Variants in NNT observed in about 807,000 individuals in gnomAD.
The protein encoded by NNT is NAD(P) transhydrogenase, mitochondrial.
NNT carries 50 observed loss-of-function variants against 104.8 expected under a neutral mutation model. The ratio of observed to expected loss-of-function variants is 0.48; its 90% CI spans 0.38 to 0.60. NNT has a LOEUF of 0.60. NNT is among the 20% of genes least tolerant of loss of function. NNT has a pLI of 0.00. For missense variants in NNT, 1,131 were observed against 1,330.7 expected (o/e 0.85, Z 2.33); for synonymous variants, 461 against 490.4 (o/e 0.94, Z 0.79).
chr5:43,624,011 A>G (rs1750232423), intron 5 of NNT, 21 bp from the exon 6 acceptor site: 2 of 1,612,154 alleles, frequency 1.2e-6, no homozygotes, highest in East Asian at 2.2e-5. Context: ...GCCTTAACAC[A>G]TAACTGGGTC....
rs563578880 is a variant in NNT at position 43,691,683 on chromosome 5, G to T, written c.2877-8436G>T. 1.5e-4 allele frequency among the ~76,000 whole-genome samples: 23 copies of T among 152,286 alleles called. No homozygotes were observed. In the South Asian group the frequency reaches 4.6e-3, roughly 30 times the overall value. On this transcript the variant is annotated intron_variant, in intron 19 of 21. Coordinates refer to ENST00000344920, the MANE Select transcript of NNT (RefSeq NM_182977.3). Reference sequence around the variant, plus strand: ...ATTAATAATGCAATGTGATACTTTAGATATATTACTAAGCATCTCTGTTAA... The same window carrying T: ...ATTAATAATGCAATGTGATACTTTATATATATTACTAAGCATCTCTGTTAA...
intron 15 of NNT, 82 bp downstream of exon 15, chr5:43,656,155 T>G: frequency 1.6e-6 from 2 of 1,219,238 alleles, no homozygotes; most frequent in Non-Finnish European, 2.4e-6. Context: ...GAAAATACAT[T>G]AACAGGGCTG....
chr5:43,662,093 G>A (rs558806690), intron 17 of NNT, among the ~76,000 whole-genome samples: 6 of 152,310 alleles, frequency 3.9e-5, no homozygotes, highest in Admixed American at 3.9e-4. Flanking sequence ...TCTAGTTCTT[G>A]AAATGTCAGC....
At chr5:43,606,908 T>A (rs1749252199) in intron 1 of NNT, among the ~76,000 whole-genome samples, 2 of 152,234 alleles carry the variant, frequency 1.3e-5, no homozygotes, top group African/African-American at 2.4e-5. Flanking sequence ...GATTAAAAAT[T>A]TCCATTACCA....
Position 43,707,318 on chromosome 5 carries a change from TAGAA to T in NNT, c.*2918_*2921del. 1 of 152,270 alleles carries T rather than the reference TAGAA, an allele frequency of 6.6e-6. No individual in the cohort carries two copies. Among genetic ancestry groups the T allele is most frequent in the Admixed American group, 6.5e-5 (1 of 15,296 alleles). The allele number at this position is 152,270 out of a possible 1,614,324, so 9.4% of individuals were successfully genotyped here. ...TAATTGAGGTAATGCACATATTAAT[TAGAA>T]AGATTTTGTCATTCCACAATGTATA... On this transcript the variant is annotated 3_prime_UTR_variant, in exon 22 of 22. Transcript: ENST00000344920.
chr5:43,614,516 A>C (rs958620052), intron 3 of NNT, among the ~76,000 whole-genome samples: 5 of 152,232 alleles, frequency 3.3e-5, no homozygotes, highest in Non-Finnish European at 7.3e-5. Flanking sequence ...TTGGAGGAAA[A>C]GTAGACCTTG....
At chr5:43,645,073 T>A (rs1482817319) in intron 9 of NNT, among the ~76,000 whole-genome samples, 1 of 152,006 alleles carries the variant, frequency 6.6e-6, no homozygotes, top group Non-Finnish European at 1.5e-5. Flanking sequence ...AATTAAACAT[T>A]CCCCCCACTT....
chr5:43,603,820 T>C (rs1749061644), intron 1 of NNT, among the ~76,000 whole-genome samples: 1 of 151,624 alleles, frequency 6.6e-6, no homozygotes, highest in Non-Finnish European at 1.5e-5. Flanking sequence ...ACATAGGAGA[T>C]TGCGAGCACA....
chr5:43,604,186 T>C (rs1398677984), intron 1 of NNT, among the ~76,000 whole-genome samples: 1 of 152,146 alleles, frequency 6.6e-6, no homozygotes, highest in African/African-American at 2.4e-5. Context: ...GTGACTTGTT[T>C]ATGGTTGCCG....
chr5:43,622,256 G>A (rs2111633874), intron 5 of NNT, among the ~76,000 whole-genome samples: 1 of 152,228 alleles, frequency 6.6e-6, no homozygotes, highest in South Asian at 2.1e-4. Flanking sequence ...ATGTGCAAAG[G>A]GAGGAGTTGA....
chr5:43,665,396 T>C (rs1412538797), intron 17 of NNT, among the ~76,000 whole-genome samples: 1 of 152,098 alleles, frequency 6.6e-6, no homozygotes, highest in East Asian at 1.9e-4. Flanking sequence ...CCACAGTGTT[T>C]GTGTCCCTGG....
At chr5:43,633,659 G>A (rs1012805012) in intron 7 of NNT, among the ~76,000 whole-genome samples, 1 of 152,248 alleles carries the variant, frequency 6.6e-6, no homozygotes, top group Admixed American at 6.5e-5. Flanking sequence ...TTATGCCAGC[G>A]CTTGGCATAG....
chr5:43,610,757 A>G (rs1423721504), intron 2 of NNT, among the ~76,000 whole-genome samples: 1 of 152,212 alleles, frequency 6.6e-6, no homozygotes, highest in Non-Finnish European at 1.5e-5. Flanking sequence ...ATTGCTCTGG[A>G]AAGCCAGATT....
intron 3 of NNT, among the ~76,000 whole-genome samples, chr5:43,613,839 A>G (rs1749634407): frequency 6.6e-6 from 1 of 152,156 alleles, no homozygotes; most frequent in South Asian, 2.1e-4. Context: ...TTTTTTCAGG[A>G]GATACAGCTT....
At position 43,655,833 on chromosome 5, in the gene NNT, A is replaced by G. The variant is rs1160480563; in HGVS notation, c.2060-7A>G. 6.2e-7 allele frequency: 1 copy of G among 1,607,686 alleles called. No homozygotes were observed. Among genetic ancestry groups the G allele is most frequent in the Non-Finnish European group, 8.5e-7 (1 of 1,174,200 alleles). On this transcript the variant is annotated splice_region_variant and splice_polypyrimidine_tract_variant and intron_variant, in intron 14 of 21. Coordinates refer to ENST00000344920, the MANE Select transcript of NNT (RefSeq NM_182977.3). Reference sequence around the variant, plus strand: ...AGTTTTAATTTATTTTTGACCTTTCATAACAGGATTGACAATTGCCAAACG... The same window carrying G: ...AGTTTTAATTTATTTTTGACCTTTCGTAACAGGATTGACAATTGCCAAACG...
intron 6 of NNT, among the ~76,000 whole-genome samples, chr5:43,626,583 T>C (rs1262014441): frequency 2.0e-5 from 3 of 152,100 alleles, no homozygotes; most frequent in Admixed American, 6.5e-5. Flanking sequence ...AAGATATAAC[T>C]ACAAAGATTT....
At chr5:43,618,511 C>T (rs1345414964) in intron 4 of NNT, among the ~76,000 whole-genome samples, 3 of 152,082 alleles carry the variant, frequency 2.0e-5, no homozygotes, top group East Asian at 3.8e-4. Flanking sequence ...TAAGGATTTT[C>T]CCCCCATTAC....
rs1383817689 is a variant in NNT at position 43,705,430 on chromosome 5, T to G, written c.*1026T>G. On this transcript the variant is annotated 3_prime_UTR_variant, in exon 22 of 22. Coordinates refer to ENST00000344920, the MANE Select transcript of NNT (RefSeq NM_182977.3). ...AATTGATGACATTTGAGAGAAATGGTGGCTTTTTTTAGCTACCTCTTTGTT... is the reference window on the plus strand; with the variant it reads ...AATTGATGACATTTGAGAGAAATGGGGGCTTTTTTTAGCTACCTCTTTGTT... The G allele has an allele frequency of 6.6e-6, 1 of 152,072 alleles. No homozygotes were observed. The highest frequency in any genetic ancestry group is 1.5e-5 in the Non-Finnish European group (1 of 67,962). 9.4% of individuals were successfully genotyped at this position (152,072 alleles called of 1,614,324 possible). A position where few individuals can be genotyped will look rare whatever the true frequency, so the allele number is the denominator to read the frequency against.
chr5:43,652,962 C>T lies in NNT; in HGVS notation c.1864-56C>T, dbSNP rs75232144. The T allele has an allele frequency of 5.0e-3, 6,906 of 1,392,280 alleles. 227 individuals carry two copies. In the East Asian group the frequency reaches 0.093, roughly 19 times the overall value. The allele number at this position is 1,392,280 out of a possible 1,614,324, so 86.2% of individuals were successfully genotyped here. On this transcript the variant is annotated intron_variant, in intron 13 of 21. Coordinates refer to ENST00000344920, the MANE Select transcript of NNT (RefSeq NM_182977.3). Reference sequence around the variant, plus strand: ...TTGGCAGGAAAATATATTGAAATCTCTAAGCTAATAGACCAAAGGTTTTAA... The same window carrying T: ...TTGGCAGGAAAATATATTGAAATCTTTAAGCTAATAGACCAAAGGTTTTAA...
Sources: gnomAD v4.1 joint callset for allele counts (sites outside exome capture counted in the v4.1 genomes callset) on GRCh38, gnomAD v4.1.1 for gene constraint, MANE v1.5 for transcripts, NCBI Gene and HGNC (gene_info 2026-07-23, HGNC 2026-07-21) for gene names.